The following IL1RAPL2 variants were observed in gnomAD, a reference collection of about 807,000 sequenced individuals.
IL1RAPL2 encodes X-linked interleukin-1 receptor accessory protein-like 2.
Under a neutral mutation model 44.1 loss-of-function variants are expected in IL1RAPL2, and 3 were observed. The observed-to-expected ratio is 0.07, with a 90% CI of 0.03 to 0.18. The LOEUF (loss-of-function observed/expected upper bound fraction) is 0.18, where lower values mean the gene tolerates loss of function less well. IL1RAPL2 is among the 10% of genes least tolerant of loss of function. IL1RAPL2 has a pLI of 1.00. For missense variants in IL1RAPL2, 391 were observed against 496.4 expected (o/e 0.79, Z 2.02); for synonymous variants, 181 against 178.8 (o/e 1.01, Z -0.10).
At position 105,275,671 on chromosome X, in the gene IL1RAPL2, A is replaced by G. The variant is rs555060396; in HGVS notation, c.697+8130A>G. On this transcript the variant is annotated intron_variant, in intron 5 of 10. Transcript: ENST00000372582. ...TGTTTGTAGAGCATCTTATAATTTC[A>G]AAGCACTTTCACTTCTGGGATCTCA... is the stretch of plus-strand genomic sequence containing the variant. 1.8e-4 allele frequency among the ~76,000 whole-genome samples: 19 copies of G among 107,563 alleles called. No individual in the cohort carries two copies. In the South Asian group the frequency reaches 5.6e-3, roughly 32 times the overall value. The allele number at this position is 107,563 out of a possible 115,157, so 93.4% of individuals were successfully genotyped here. A position where few individuals can be genotyped will look rare whatever the true frequency, so the allele number is the denominator to read the frequency against.
At chrX:105,047,140 A>T (rs936322749) in intron 2 of IL1RAPL2, among the ~76,000 whole-genome samples, 3 of 111,270 alleles carry the variant, frequency 2.7e-5, no homozygotes, top group Non-Finnish European at 5.6e-5. Flanking sequence ...AGGGAGTTGC[A>T]TATACCCCTT....
chrX:105,363,889 A>G (rs1011913555), intron 5 of IL1RAPL2, among the ~76,000 whole-genome samples: 9 of 110,923 alleles, frequency 8.1e-5, no homozygotes, highest in Non-Finnish European at 1.3e-4. Flanking sequence ...TTTTCTCCCA[A>G]TCCATGGGTT....
At chrX:104,595,814 G>A (rs1928753150) in intron 1 of IL1RAPL2, among the ~76,000 whole-genome samples, 1 of 111,671 alleles carries the variant, frequency 9.0e-6, no homozygotes, top group Non-Finnish European at 1.9e-5. Context: ...TAATATCCAA[G>A]GATCTCTTAC....
At chrX:105,569,681 G>GAAGTA (rs1191038997) in intron 6 of IL1RAPL2, among the ~76,000 whole-genome samples, 2 of 111,814 alleles carry the variant, frequency 1.8e-5, no homozygotes, top group Non-Finnish European at 3.8e-5. Context: ...AACTATACAA[G>GAAGTA]AAGTAAACCT....
chrX:104,998,891 C>G (rs1338923128), intron 2 of IL1RAPL2, among the ~76,000 whole-genome samples: 1 of 111,640 alleles, frequency 9.0e-6, no homozygotes, highest in Non-Finnish European at 1.9e-5. Flanking sequence ...AACCTGGACT[C>G]CTGGACTCAA....
chrX:105,277,812 G>T (rs1184385827), intron 5 of IL1RAPL2, among the ~76,000 whole-genome samples: 1 of 108,896 alleles, frequency 9.2e-6, no homozygotes, highest in Non-Finnish European at 1.9e-5. Flanking sequence ...CATGACCTTG[G>T]GGAACTAGAA....
At chrX:105,038,836 C>T (rs981896270) in intron 2 of IL1RAPL2, among the ~76,000 whole-genome samples, 1 of 110,873 alleles carries the variant, frequency 9.0e-6, no homozygotes, top group Non-Finnish European at 1.9e-5. Context: ...CTTCTAGTTA[C>T]TTCTTTGCAC....
chrX:105,567,663 T>A (rs1173866966), intron 6 of IL1RAPL2, among the ~76,000 whole-genome samples: 1 of 111,981 alleles, frequency 8.9e-6, no homozygotes, highest in African/African-American at 3.2e-5. Flanking sequence ...TTCTGAATTA[T>A]CTGGTATCTT....
chrX:104,892,980 C>G (rs1923509616), intron 2 of IL1RAPL2, among the ~76,000 whole-genome samples: 2 of 111,854 alleles, frequency 1.8e-5, no homozygotes, highest in African/African-American at 3.3e-5. Context: ...CCCAGAGATT[C>G]TGGTATGTTG....
intron 6 of IL1RAPL2, among the ~76,000 whole-genome samples, chrX:105,705,038 T>C (rs2038153744): frequency 9.0e-6 from 1 of 111,290 alleles, no homozygotes; most frequent in Non-Finnish European, 1.9e-5. Flanking sequence ...TGTACAACTT[T>C]GGTCAACAGA....
At chrX:105,359,604 G>T (rs2035232960) in intron 5 of IL1RAPL2, among the ~76,000 whole-genome samples, 1 of 110,835 alleles carries the variant, frequency 9.0e-6, no homozygotes, top group Non-Finnish European at 1.9e-5. Context: ...TGCTTTTTCT[G>T]CTACACCATG....
chrX:105,592,860 C>T (rs2037182464), intron 6 of IL1RAPL2, among the ~76,000 whole-genome samples: 1 of 111,800 alleles, frequency 8.9e-6, no homozygotes, highest in Admixed American at 9.5e-5. Flanking sequence ...CTGCCTTTAA[C>T]ATTTTTCTTT....
At position 104,657,776 on chromosome X, in the gene IL1RAPL2, GA is replaced by G. The variant is rs1438006422; in HGVS notation, c.-19-1110del. ...ACAAAGAGCTCAAACAAATTTACAA[GA>G]AAAAAAAACCCATCAAAAAGTGGAC... On this transcript the variant is annotated intron_variant, in intron 1 of 10. Transcript: ENST00000372582. 5.7e-4 allele frequency among the ~76,000 whole-genome samples: 62 copies of G among 108,190 alleles called. 3 individuals carry two copies. Among genetic ancestry groups the G allele is most frequent in the Admixed American group, 2.9e-3 (29 of 10,155 alleles). The allele number at this position is 108,190 out of a possible 115,157, so 93.9% of individuals were successfully genotyped here. A position where few individuals can be genotyped will look rare whatever the true frequency, so the allele number is the denominator to read the frequency against.
intron 5 of IL1RAPL2, among the ~76,000 whole-genome samples, chrX:105,348,614 G>A (rs967742599): frequency 1.8e-5 from 2 of 111,599 alleles, no homozygotes; most frequent in Non-Finnish European, 3.8e-5. Flanking sequence ...GGGGTTCAGT[G>A]TAGCTCCCAT....
intron 6 of IL1RAPL2, among the ~76,000 whole-genome samples, chrX:105,612,268 G>T (rs989576890): frequency 9.0e-6 from 1 of 110,649 alleles, no homozygotes; most frequent in African/African-American, 3.3e-5. Flanking sequence ...ACCATGCTTA[G>T]CTAATTTTTT....
chrX:104,640,815 G>A (rs1929919866), intron 1 of IL1RAPL2, among the ~76,000 whole-genome samples: 1 of 112,381 alleles, frequency 8.9e-6, no homozygotes, highest in Non-Finnish European at 1.9e-5. Flanking sequence ...GATTGTTAAT[G>A]GAGACTGTGG....
chrX:105,403,644 G>T (rs763453682), intron 5 of IL1RAPL2, among the ~76,000 whole-genome samples: 2 of 111,612 alleles, frequency 1.8e-5, no homozygotes, highest in African/African-American at 6.5e-5. Context: ...TGTCATTTTG[G>T]TTTAATGTTC....
chrX:105,335,715 A>T (rs1459261862), intron 5 of IL1RAPL2, among the ~76,000 whole-genome samples: 1 of 111,275 alleles, frequency 9.0e-6, no homozygotes, highest in Non-Finnish European at 1.9e-5. Context: ...TTTTAATAAA[A>T]GTAGGGCTGA....
chrX:105,046,836 T>TTTC (rs1556036881), intron 2 of IL1RAPL2, among the ~76,000 whole-genome samples: 2 of 99,390 alleles, frequency 2.0e-5, no homozygotes, highest in Non-Finnish European at 4.1e-5. Context: ...TTTTTTTTTT[T>TTTC]GGGGGGGTGC....
Sources: allele counts gnomAD v4.1 joint callset (sites outside exome capture counted in the v4.1 genomes callset), GRCh38; gene constraint gnomAD v4.1.1; transcripts MANE v1.5; gene names NCBI Gene and HGNC (gene_info 2026-07-23, HGNC 2026-07-21).